The following LHFPL6 variants were observed in gnomAD, a reference collection of about 807,000 sequenced individuals.
LHFPL6 encodes the protein LHFPL tetraspan subfamily member 6.
LHFPL6 carries 9 observed loss-of-function variants against 20.6 expected under a neutral mutation model. The ratio of observed to expected loss-of-function variants is 0.44; its 90% CI spans 0.26 to 0.76. The LOEUF (loss-of-function observed/expected upper bound fraction) is 0.76. Among genes scored for constraint, LHFPL6 ranks in the 30% least tolerant of loss-of-function variants. LHFPL6 has a pLI of 0.20. For synonymous variants in LHFPL6, 105 were observed against 98.7 expected, an observed-to-expected ratio of 1.06 and a Z score of -0.38; for missense variants, 218 against 253.5, an observed-to-expected ratio of 0.86 and a Z score of 0.95.
chr13:39,541,871 C>T (rs955652395), intron 2 of LHFPL6, among the ~76,000 whole-genome samples: 8 of 151,412 alleles, frequency 5.3e-5, no homozygotes, highest in South Asian at 2.1e-4. Context: ...GGGTGGATCA[C>T]GAGATCAGGA....
chr13:39,433,149 T>A (rs1230150494), intron 2 of LHFPL6, among the ~76,000 whole-genome samples: 1 of 152,214 alleles, frequency 6.6e-6, no homozygotes, highest in Non-Finnish European at 1.5e-5. Context: ...ACCTCTAAAT[T>A]GTTATAAGGC....
At chr13:39,536,792 T>C (rs1320856381) in intron 2 of LHFPL6, among the ~76,000 whole-genome samples, 2 of 152,224 alleles carry the variant, frequency 1.3e-5, no homozygotes, top group East Asian at 3.9e-4. Context: ...AGTCAGTAAT[T>C]AATCCAGTTC....
intron 2 of LHFPL6, among the ~76,000 whole-genome samples, chr13:39,530,301 C>T (rs1178792207): frequency 1.3e-5 from 2 of 149,700 alleles, no homozygotes; most frequent in South Asian, 2.1e-4. Context: ...TATGTAAAGA[C>T]ATGGGGACAT....
intron 2 of LHFPL6, among the ~76,000 whole-genome samples, chr13:39,488,581 C>A (rs1223599658): frequency 6.6e-6 from 1 of 152,158 alleles, no homozygotes; most frequent in South Asian, 2.1e-4. Flanking sequence ...ATTAGACACA[C>A]TCTCCTCACC....
intron 2 of LHFPL6, among the ~76,000 whole-genome samples, chr13:39,535,719 G>T (rs911470284): frequency 6.6e-6 from 1 of 152,174 alleles, no homozygotes; most frequent in Non-Finnish European, 1.5e-5. Flanking sequence ...ACATTTTATA[G>T]CTAAATTAAA....
At chr13:39,595,082 C>T (rs1448316122) in intron 2 of LHFPL6, among the ~76,000 whole-genome samples, 1 of 151,714 alleles carries the variant, frequency 6.6e-6, no homozygotes, top group African/African-American at 2.4e-5. Flanking sequence ...CAAACCTGCA[C>T]GTTGTGCACA....
At chr13:39,445,969 C>T (rs1480122278) in intron 2 of LHFPL6, among the ~76,000 whole-genome samples, 2 of 152,136 alleles carry the variant, frequency 1.3e-5, no homozygotes, top group Non-Finnish European at 2.9e-5. Context: ...CAAAAAAGAG[C>T]TAATAATCTT....
intron 2 of LHFPL6, among the ~76,000 whole-genome samples, chr13:39,409,298 A>G (rs1347977959): frequency 1.3e-5 from 2 of 152,022 alleles, no homozygotes; most frequent in African/African-American, 4.8e-5. Context: ...TACTAAAAAT[A>G]CAAAGATTAG....
chr13:39,455,317 G>T (rs1231719747), intron 2 of LHFPL6, among the ~76,000 whole-genome samples: 1 of 152,144 alleles, frequency 6.6e-6, no homozygotes, highest in African/African-American at 2.4e-5. Flanking sequence ...AACTGGGTTA[G>T]TCATGGAAGA....
At chr13:39,595,693 T>C (rs918485196) in intron 2 of LHFPL6, among the ~76,000 whole-genome samples, 1 of 82,976 alleles carries the variant, frequency 1.2e-5, no homozygotes, top group African/African-American at 3.2e-5. Context: ...TTATCAGTGT[T>C]CGTGGTTGTG....
At chr13:39,440,630 T>C (rs1384464593) in intron 2 of LHFPL6, among the ~76,000 whole-genome samples, 2 of 152,198 alleles carry the variant, frequency 1.3e-5, no homozygotes, top group Non-Finnish European at 2.9e-5. Context: ...AGACAGGGTC[T>C]TGCTCTGTCA....
At chr13:39,462,054 T>A (rs927370035) in intron 2 of LHFPL6, among the ~76,000 whole-genome samples, 4 of 152,052 alleles carry the variant, frequency 2.6e-5, no homozygotes, top group Admixed American at 2.0e-4. Context: ...TTAGCAGAGG[T>A]GGGGCTGACT....
intron 2 of LHFPL6, among the ~76,000 whole-genome samples, chr13:39,453,645 A>T (rs1179562439): frequency 6.6e-6 from 1 of 152,224 alleles, no homozygotes; most frequent in Non-Finnish European, 1.5e-5. Context: ...AGGCCACGCT[A>T]TTGGTAAGGG....
intron 2 of LHFPL6, among the ~76,000 whole-genome samples, chr13:39,532,098 C>T (rs574359007): frequency 1.3e-5 from 2 of 152,122 alleles, no homozygotes; most frequent in Non-Finnish European, 2.9e-5. Flanking sequence ...CCCTTCGTTC[C>T]TCTCCCTGGG....
intron 2 of LHFPL6, among the ~76,000 whole-genome samples, chr13:39,475,153 G>A (rs773118327): frequency 5.3e-5 from 8 of 152,052 alleles, no homozygotes; most frequent in Non-Finnish European, 1.0e-4. Context: ...GCTGGGAGGG[G>A]CACATCAGGC....
chr13:39,483,832 G>A (rs1173645088), intron 2 of LHFPL6, among the ~76,000 whole-genome samples: 3 of 152,288 alleles, frequency 2.0e-5, no homozygotes, highest in East Asian at 1.9e-4. Context: ...GGAGGGAATG[G>A]CCTAGTCTCA....
At chr13:39,562,451 T>TATACATATATACATATATACATATAC (rs1566142046) in intron 2 of LHFPL6, among the ~76,000 whole-genome samples, 2 of 114,636 alleles carry the variant, frequency 1.7e-5, no homozygotes, top group Admixed American at 9.4e-5. Context: ...TATATACACA[T>TATACATATATACATATATACATATAC]ATATACATAT....
chr13:39,579,338 T>C (rs1185491965), intron 2 of LHFPL6, among the ~76,000 whole-genome samples: 2 of 152,174 alleles, frequency 1.3e-5, no homozygotes, highest in African/African-American at 4.8e-5. Context: ...GAGAACAATA[T>C]TTAATGCCAG....
intron 2 of LHFPL6, among the ~76,000 whole-genome samples, chr13:39,556,246 A>T (rs1871300738): frequency 1.3e-5 from 2 of 152,222 alleles, no homozygotes; most frequent in Non-Finnish European, 2.9e-5. Flanking sequence ...GGGTGCTGAA[A>T]ATGTGAAAGC....
Sources: gnomAD v4.1 joint callset for allele counts (sites outside exome capture counted in the v4.1 genomes callset) on GRCh38, gnomAD v4.1.1 for gene constraint, MANE v1.5 for transcripts, NCBI Gene and HGNC (gene_info 2026-07-23, HGNC 2026-07-21) for gene names.